Variants in ACSF3 observed in about 807,000 individuals in gnomAD.
ACSF3 encodes acyl-CoA synthetase family member 3.
ACSF3 carries 78 observed loss-of-function variants against 53.2 expected under a neutral mutation model. The ratio of observed to expected loss-of-function variants is 1.47; its 90% CI spans 1.22 to 1.77. The LOEUF (loss-of-function observed/expected upper bound fraction) is 1.77, where lower values mean the gene tolerates loss of function less well. Among genes scored for constraint, ACSF3 ranks in the 40% most tolerant of loss-of-function variants. The pLI, the probability that ACSF3 is intolerant of heterozygous loss-of-function variation, is 0.00. For missense variants in ACSF3, 937 were observed against 771.1 expected (o/e 1.22, Z -2.55); for synonymous variants, 414 against 333.1 (o/e 1.24, Z -2.65).
chr16:89,120,724 C>T, intron 6 of ACSF3, 77 bp from the exon 7 acceptor site: 9 of 1,405,432 alleles, frequency 6.4e-6, no homozygotes, highest in Non-Finnish European at 9.1e-6. Context: ...TCAGCGGGAT[C>T]CGAGCTCAGT....
Position 89,100,643 on chromosome 16 carries a change from G to C in ACSF3, c.-20-19G>C, listed in dbSNP as rs758439131. On this transcript the variant is annotated intron_variant, in intron 2 of 10. Coordinates refer to ENST00000614302, the MANE Select transcript of ACSF3 (RefSeq NM_001243279.3). ...TGGGACAGTTGGGCACTCACGTCCT[G>C]TGCCTTGCCTTTCTCCAGCTCGGCC... is the stretch of plus-strand genomic sequence containing the variant. The C allele has an allele frequency of 1.8e-6, 1 of 548,534 alleles. No individual in the cohort carries two copies. The highest frequency in any genetic ancestry group is 2.7e-5 in the African/African-American group (1 of 36,380). The allele number at this position is 548,534 out of a possible 1,614,324, so 34.0% of individuals were successfully genotyped here.
At chr16:89,098,069 G>A (rs1043210544) in intron 1 of ACSF3, among the ~76,000 whole-genome samples, 7 of 151,550 alleles carry the variant, frequency 4.6e-5, no homozygotes, top group African/African-American at 7.3e-5. Flanking sequence ...GCGAGACTCC[G>A]TCTCAAAAAA....
At chr16:89,111,980 C>T in intron 4 of ACSF3, 112 bp from the exon 5 acceptor site, 1 of 504,212 alleles carries the variant, frequency 2.0e-6, no homozygotes, top group East Asian at 8.0e-5. Context: ...AAGGGAGGCG[C>T]TGCAGACTCT....
chr16:89,094,473 A>C (rs1974376888), intron 1 of ACSF3, among the ~76,000 whole-genome samples: 1 of 152,082 alleles, frequency 6.6e-6, no homozygotes, highest in Admixed American at 6.5e-5. Context: ...CAAGCAATGG[A>C]GACGTGCGGC....
At position 89,144,155 on chromosome 16, in the gene ACSF3, G is replaced by A. The variant is rs80114557; in HGVS notation, c.1367-1112G>A. The stretch of plus-strand genomic sequence containing the variant: ...ATGCGTCATGAGACAGCTTCGGGCT[G>A]GGAGTACAGGCTCTGAGGCTGCAGC... On this transcript the variant is annotated intron_variant, in intron 8 of 10. Transcript: ENST00000614302. 7.8e-3 allele frequency among the ~76,000 whole-genome samples: 1,193 copies of A among 152,342 alleles called. 30 individuals are homozygous for A. The East Asian group carries it at 0.12, about 15-fold the overall frequency.
At chr16:89,136,402 T>C (rs1452616975) in intron 8 of ACSF3, 2 of 762,886 alleles carry the variant, frequency 2.6e-6, no homozygotes, top group South Asian at 1.8e-5. Context: ...GGGTAAGGCC[T>C]GGAAGCCGCA....
chr16:89,114,545 T>C, intron 6 of ACSF3, 58 bp downstream of exon 6: 1 of 1,600,840 alleles, frequency 6.2e-7, no homozygotes, highest in Non-Finnish European at 8.5e-7. Flanking sequence ...CCCCCCAAGG[T>C]GGGCCAGTCT....
chr16:89,095,252 TCTC>T (rs1163539499), intron 1 of ACSF3: 1 of 152,220 alleles, frequency 6.6e-6, no homozygotes, highest in Non-Finnish European at 1.5e-5. Flanking sequence ...CTCTGAACCA[TCTC>T]CTCAAGGCAG....
intron 1 of ACSF3, 133 bp from the exon 2 acceptor site, chr16:89,098,458 A>G: frequency 2.8e-6 from 1 of 356,840 alleles, no homozygotes; most frequent in Non-Finnish European, 5.6e-6. Flanking sequence ...TAAGGCTCAC[A>G]GCTTTATTTG....
Position 89,154,079 on chromosome 16 carries a change from T to TGTCTCTGCAGAAATGTCCTGGCG in ACSF3, c.1625_1626insGGTCTCTGCAGAAATGTCCTGGC. 1 of 1,611,890 alleles carries TGTCTCTGCAGAAATGTCCTGGCG rather than the reference T, an allele frequency of 6.2e-7. No homozygotes were observed. Among genetic ancestry groups the TGTCTCTGCAGAAATGTCCTGGCG allele is most frequent in the Non-Finnish European group, 8.5e-7 (1 of 1,179,258 alleles). The stretch of plus-strand genomic sequence containing the variant: ...AGGGCAGTGCGCCTCAGGCTGTGCT[T>TGTCTCTGCAGAAATGTCCTGGCG]GTCTCTGCAGAAATGTCCTGGCCCC... On this transcript the variant is annotated splice_polypyrimidine_tract_variant and intron_variant, in intron 10 of 10. Transcript: ENST00000614302.
chr16:89,097,776 G>A (rs1974794943), intron 1 of ACSF3, among the ~76,000 whole-genome samples: 2 of 152,136 alleles, frequency 1.3e-5, no homozygotes, highest in Admixed American at 1.3e-4. Flanking sequence ...AGCTGTGGAG[G>A]GCTTCTAGAA....
chr16:89,110,746 A>G (rs1190023345), intron 4 of ACSF3, among the ~76,000 whole-genome samples: 1 of 152,228 alleles, frequency 6.6e-6, no homozygotes, highest in Non-Finnish European at 1.5e-5. Context: ...CAGTGTGGGA[A>G]GAACTGCCAT....
chr16:89,094,064 C>A (rs1974323672), intron 1 of ACSF3, 68 bp downstream of exon 1: 2 of 150,724 alleles, frequency 1.3e-5, no homozygotes, highest in African/African-American at 4.9e-5. Flanking sequence ...GGGGCGCGGG[C>A]TCCGGCGCCC....
chr16:89,136,090 A>T (rs1475799154), intron 8 of ACSF3, among the ~76,000 whole-genome samples: 1 of 152,214 alleles, frequency 6.6e-6, no homozygotes, highest in Non-Finnish European at 1.5e-5. Flanking sequence ...TTGTATTTTT[A>T]AATTCAGGTA....
intron 7 of ACSF3, among the ~76,000 whole-genome samples, chr16:89,128,940 A>G (rs1176572701): frequency 6.6e-6 from 1 of 150,586 alleles, no homozygotes; most frequent in Non-Finnish European, 1.5e-5. Context: ...AGCCTGAGCA[A>G]CATAGTGAGA....
Position 89,102,466 on chromosome 16 carries a change from G to A in ACSF3, c.667-138G>A, listed in dbSNP as rs1975459767. Reference sequence around the variant, plus strand: ...CATCTTGAGAGGCTGCTAAAGGGGAGCAACAAAGAGCCAGCCTTCTCCTTC... The same window carrying A: ...CATCTTGAGAGGCTGCTAAAGGGGAACAACAAAGAGCCAGCCTTCTCCTTC... On this transcript the variant is annotated intron_variant, in intron 3 of 10. Coordinates refer to ENST00000614302, the MANE Select transcript of ACSF3 (RefSeq NM_001243279.3). 61 of 979,614 alleles carry A rather than the reference G, an allele frequency of 6.2e-5. No homozygotes were observed. The East Asian group carries it at 1.5e-3, about 25-fold the overall frequency. 60.7% of individuals were successfully genotyped at this position (979,614 alleles called of 1,614,324 possible).
At chr16:89,121,942 C>T (rs1337835776) in intron 7 of ACSF3, among the ~76,000 whole-genome samples, 2 of 152,154 alleles carry the variant, frequency 1.3e-5, no homozygotes, top group Admixed American at 6.5e-5. Flanking sequence ...GTGCAGTGGC[C>T]GCACCTTGTG....
At chr16:89,131,249 C>G (rs112649616) in intron 7 of ACSF3, among the ~76,000 whole-genome samples, 64 of 150,226 alleles carry the variant, frequency 4.3e-4, no homozygotes, top group African/African-American at 1.6e-3. Flanking sequence ...CCTCAGCCTC[C>G]CAAGTAGCTG....
chr16:89,108,330 C>A (rs1005367283), intron 4 of ACSF3, among the ~76,000 whole-genome samples: 1 of 152,192 alleles, frequency 6.6e-6, no homozygotes, highest in African/African-American at 2.4e-5. Flanking sequence ...GTGCTTCCCC[C>A]AACTTGTTTC....
Sources: gnomAD v4.1 joint callset for allele counts (sites outside exome capture counted in the v4.1 genomes callset) on GRCh38, gnomAD v4.1.1 for gene constraint, MANE v1.5 for transcripts, NCBI Gene and HGNC (gene_info 2026-07-23, HGNC 2026-07-21) for gene names.